Variants in KANK1 observed in about 807,000 individuals in gnomAD.
The protein encoded by KANK1 is KN motif and ankyrin repeat domain-containing protein 1.
Under a neutral mutation model 106.2 loss-of-function variants are expected in KANK1, and 109 were observed. The observed-to-expected ratio is 1.03, with a 90% CI of 0.88 to 1.20. The LOEUF is 1.20. KANK1 is among the 50% of genes most tolerant of loss of function. KANK1 has a pLI of 0.00. For missense variants in KANK1, 2,399 were observed against 1,710.7 expected (o/e 1.40, Z -7.10); for synonymous variants, 873 against 652.2 (o/e 1.34, Z -5.16).
intron 1 of KANK1, among the ~76,000 whole-genome samples, chr9:555,905 C>T (rs928650722): frequency 2.0e-5 from 3 of 152,224 alleles, no homozygotes; most frequent in Non-Finnish European, 4.4e-5. Flanking sequence ...TTTTAACCTT[C>T]ATGATGTTAT....
Position 712,138 on chromosome 9 carries a change from C to G in KANK1, c.1372C>G (p.Gln458Glu). The G allele has an allele frequency of 2.5e-6, 4 of 1,614,094 alleles. No homozygotes were observed. The highest frequency in any genetic ancestry group is 3.4e-6 in the Non-Finnish European group (4 of 1,180,022). ...MTEADKEIEL[Q>E]QQTIESLKEK... The stretch of plus-strand genomic sequence containing the variant: ...TGAAGCTGACAAAGAAATTGAGCTG[C>G]AACAGCAGACCATAGAATCCTTGAA... The change falls in exon 3 of 12, where the codon CAA becomes GAA. Residue 458 changes from glutamine to glutamate, a missense_variant. Transcript: ENST00000382297.
At position 517,171 on chromosome 9, in the gene KANK1, G is replaced by A. The variant is rs139419666; in HGVS notation, c.-84+12417G>A. 6.3e-3 allele frequency among the ~76,000 whole-genome samples: 958 copies of A among 151,928 alleles called. 29 individuals carry two copies. Among genetic ancestry groups the A allele is most frequent in the East Asian group, 0.025 (127 of 5,170 alleles). ...GTCACCCAGGCTGGAGTGCAGTGGC[G>A]TGATCTCAGCTACTGCAACTTCCGA... On this transcript the variant is annotated intron_variant, in intron 1 of 11. Coordinates refer to ENST00000382297, the MANE Select transcript of KANK1 (RefSeq NM_015158.5).
At chr9:567,356 C>T (rs762630716) in intron 1 of KANK1, among the ~76,000 whole-genome samples, 1 of 152,128 alleles carries the variant, frequency 6.6e-6, no homozygotes, top group African/African-American at 2.4e-5. Context: ...CTTCTCATAA[C>T]CCTAACCTTG....
At chr9:545,431 A>T (rs940771737) in intron 1 of KANK1, among the ~76,000 whole-genome samples, 1 of 152,206 alleles carries the variant, frequency 6.6e-6, no homozygotes, top group African/African-American at 2.4e-5. Context: ...CCATGTGGAT[A>T]GTAACTGCAG....
intron 1 of KANK1, among the ~76,000 whole-genome samples, chr9:642,804 G>T (rs1281032517): frequency 6.7e-6 from 1 of 149,670 alleles, no homozygotes; most frequent in African/African-American, 2.5e-5. Flanking sequence ...TCTATAGATG[G>T]AAGAAAGTTA....
Position 711,113 on chromosome 9 carries a change from C to T in KANK1, c.347C>T (p.Thr116Ile). ...FLIARSQVTS[T>I]PISKPPPPLE... Reference sequence around the variant, plus strand: ...ATAGCCAGAAGTCAAGTTACATCAACTCCAATCTCAAAGCCACCTCCCCCT... The same window carrying T: ...ATAGCCAGAAGTCAAGTTACATCAATTCCAATCTCAAAGCCACCTCCCCCT... The change falls in exon 3 of 12, where the codon ACT (threonine) becomes ATT (isoleucine). Residue 116 changes from threonine to isoleucine, a missense_variant. By Grantham distance (89) the Thr-to-Ile change is moderately conservative. Transcript: ENST00000382297. The T allele has an allele frequency of 1.2e-6, 2 of 1,614,168 alleles. No homozygotes were observed. The highest frequency in any genetic ancestry group is 3.3e-5 in the Admixed American group (2 of 60,020).
rs547098303 is a variant in KANK1 at position 630,945 on chromosome 9, ACT to A, written c.-83-45942_-83-45941del. On this transcript the variant is annotated intron_variant, in intron 1 of 11. Transcript: ENST00000382297. Reference sequence around the variant, plus strand: ...ACCCTAGCCTGGGTGACAGAGCAAGACTCTGTCTCAAAAAACAAAACAAAACA... The same window carrying A: ...ACCCTAGCCTGGGTGACAGAGCAAGACTGTCTCAAAAAACAAAACAAAACA... Among the ~76,000 whole-genome samples the A allele has an allele frequency of 1.1e-3, 154 of 143,806 alleles. 1 individual carries two copies. Among genetic ancestry groups the A allele is most frequent in the Non-Finnish European group, 1.2e-3 (79 of 64,928 alleles). The allele number at this position is 143,806 out of a possible 152,430, so 94.3% of individuals were successfully genotyped here.
chr9:526,500 G>A (rs751011247), intron 1 of KANK1, among the ~76,000 whole-genome samples: 22 of 151,592 alleles, frequency 1.5e-4, no homozygotes, highest in Admixed American at 3.9e-4. Flanking sequence ...ATTGCTTGAG[G>A]CCATGAATTC....
At chr9:643,910 C>T (rs1169496426) in intron 1 of KANK1, among the ~76,000 whole-genome samples, 2 of 150,656 alleles carry the variant, frequency 1.3e-5, no homozygotes, top group African/African-American at 2.5e-5. Context: ...ACCATGTTGC[C>T]CAGGCTGGTC....
intron 1 of KANK1, among the ~76,000 whole-genome samples, chr9:564,991 A>G (rs533303195): frequency 6.6e-6 from 1 of 152,206 alleles, no homozygotes; most frequent in South Asian, 2.1e-4. Flanking sequence ...TTCACTGAGA[A>G]GGAGCCTGGT....
intron 1 of KANK1, among the ~76,000 whole-genome samples, chr9:507,556 ATTTT>A (rs755577004): frequency 1.6e-5 from 2 of 127,418 alleles, no homozygotes; most frequent in Non-Finnish European, 3.3e-5. Context: ...TGCCCGGCTA[ATTTT>A]TTTTTTTTTT....
chr9:543,561 A>G (rs1208957722), intron 1 of KANK1, among the ~76,000 whole-genome samples: 1 of 65,470 alleles, frequency 1.5e-5, no homozygotes, highest in Non-Finnish European at 2.3e-5. Context: ...CTCTGTCTCA[A>G]AAAAAAAAAA....
chr9:534,959 G>C (rs546290066), intron 1 of KANK1, among the ~76,000 whole-genome samples: 1 of 152,210 alleles, frequency 6.6e-6, no homozygotes, highest in Admixed American at 6.5e-5. Context: ...GAGGTAAGAA[G>C]CCAGACCAGA....
At chr9:735,347 G>A (rs553706747) in intron 7 of KANK1, among the ~76,000 whole-genome samples, 108 of 152,254 alleles carry the variant, frequency 7.1e-4, no homozygotes, top group African/African-American at 6.7e-4. Flanking sequence ...TTGTCATCTC[G>A]CAGTCTAAGA....
At chr9:610,217 A>G (rs1268224976) in intron 1 of KANK1, among the ~76,000 whole-genome samples, 1 of 151,808 alleles carries the variant, frequency 6.6e-6, no homozygotes, top group Non-Finnish European at 1.5e-5. Flanking sequence ...ATTTGGTTGA[A>G]CACTTACGTT....
At chr9:556,154 A>G (rs2061572077) in intron 1 of KANK1, among the ~76,000 whole-genome samples, 1 of 152,222 alleles carries the variant, frequency 6.6e-6, no homozygotes, top group Non-Finnish European at 1.5e-5. Flanking sequence ...CATTTTAAAA[A>G]ATCTTATTTT....
rs529693881 is a variant in KANK1, at chr9:489,926, G to A, written c.-362+16653G>A. Among the ~76,000 whole-genome samples the A allele has an allele frequency of 8.5e-5, 13 of 152,244 alleles. No homozygotes were observed. In the South Asian group the frequency reaches 2.3e-3, roughly 27 times the overall value. Reference sequence around the variant, plus strand: ...TTAAACAATACCTCTATGTCTGGGGGAACAAAACCGTACTAAGTACAGATC... The same window carrying A: ...TTAAACAATACCTCTATGTCTGGGGAAACAAAACCGTACTAAGTACAGATC... On this transcript the variant is annotated intron_variant, in intron 3 of 15. Transcript: ENST00000382303.
chr9:536,037 T>A (rs542333202), intron 1 of KANK1, among the ~76,000 whole-genome samples: 10 of 152,250 alleles, frequency 6.6e-5, no homozygotes, highest in African/African-American at 2.4e-4. Context: ...CCCACAAATT[T>A]CATGCTTAAA....
intron 1 of KANK1, among the ~76,000 whole-genome samples, chr9:517,229 AAGT>A (rs2133077105): frequency 6.6e-6 from 1 of 151,652 alleles, no homozygotes; most frequent in African/African-American, 2.4e-5. Flanking sequence ...TCAGCCTCCC[AAGT>A]AGTTGGGAGT....
Sources: allele counts gnomAD v4.1 joint callset (sites outside exome capture counted in the v4.1 genomes callset), GRCh38; gene constraint gnomAD v4.1.1; transcripts MANE v1.5; gene names NCBI Gene and HGNC (gene_info 2026-07-23, HGNC 2026-07-21).